ZMYM2: variants seen among roughly 807,000 people sequenced by gnomAD.
ZMYM2 encodes the protein zinc finger MYM-type containing 2, also known as zinc finger MYM-type protein 2.
ZMYM2 carries 56 observed loss-of-function variants against 162.8 expected under a neutral mutation model. The observed-to-expected ratio is 0.34, with a 90% CI of 0.28 to 0.43. The LOEUF (loss-of-function observed/expected upper bound fraction) is 0.43, where lower values mean the gene tolerates loss of function less well. Among genes scored for constraint, ZMYM2 ranks in the 20% least tolerant of loss-of-function variants. The pLI is 1.00. For synonymous variants in ZMYM2, 510 were observed against 541.6 expected (o/e 0.94, Z 0.81); for missense variants, 1,275 against 1,621.8 (o/e 0.79, Z 3.67).
At chr13:19,965,232 A>G (rs1298279961) in intron 2 of ZMYM2, 3 of 1,299,162 alleles carry the variant, frequency 2.3e-6, no homozygotes, top group Admixed American at 4.7e-5. Flanking sequence ...ATACATGTGT[A>G]TATTACTCTC....
At position 20,034,168 on chromosome 13, in the gene ZMYM2, G is replaced by A. The variant is rs551984759; in HGVS notation, c.1969-86G>A. The A allele has an allele frequency of 4.1e-6, 5 of 1,205,864 alleles. No homozygotes were observed. In the African/African-American group the frequency reaches 4.7e-5, roughly 11 times the overall value. 74.7% of individuals were successfully genotyped at this position (1,205,864 alleles called of 1,614,324 possible). A position where few individuals can be genotyped will look rare whatever the true frequency, so the allele number is the denominator to read the frequency against. On this transcript the variant is annotated intron_variant, in intron 10 of 24. Coordinates refer to ENST00000610343, the MANE Select transcript of ZMYM2 (RefSeq NM_197968.4). The stretch of plus-strand genomic sequence containing the variant: ...GGGTCTTAACATTAAATAGGTAAAT[G>A]ATTTAACTTTGCTTCTGTAAAAGTG...
chr13:19,876,385 C>T, the ZMYM2 span, among the ~76,000 whole-genome samples: 3 of 150,418 alleles, frequency 2.0e-5, no homozygotes, highest in African/African-American at 7.4e-5. Context: ...TGCAGTGGCA[C>T]GATCTCGGCT....
At chr13:19,907,317 G>A in the ZMYM2 span, among the ~76,000 whole-genome samples, 3 of 152,102 alleles carry the variant, frequency 2.0e-5, no homozygotes, top group Non-Finnish European at 4.4e-5. Context: ...ATGTCAAAAT[G>A]TTTGTATGAG....
rs1341130109 is a variant in ZMYM2, at chr13:20,062,990, A to G, written c.3037+19A>G. 6.3e-7 allele frequency: 1 copy of G among 1,585,974 alleles called. No homozygotes were observed. Among genetic ancestry groups the G allele is most frequent in the East Asian group, 2.3e-5 (1 of 44,442 alleles). ...CCCAGAGGTACTCAAAACCTTTATGACTATGGAATTTAGTTATGGAGTCAA... is the reference window on the plus strand; with the variant it reads ...CCCAGAGGTACTCAAAACCTTTATGGCTATGGAATTTAGTTATGGAGTCAA... On this transcript the variant is annotated intron_variant, in intron 18 of 24. Transcript: ENST00000610343.
chr13:19,919,903 G>A, the ZMYM2 span, among the ~76,000 whole-genome samples: 1 of 152,056 alleles, frequency 6.6e-6, no homozygotes, highest in Non-Finnish European at 1.5e-5. Flanking sequence ...TTGAACTCCT[G>A]ACCTCGTGAT....
At chr13:19,886,086 C>G in the ZMYM2 span, among the ~76,000 whole-genome samples, 1 of 147,756 alleles carries the variant, frequency 6.8e-6, no homozygotes, top group South Asian at 2.1e-4. Context: ...CTTTTATCTA[C>G]CTTTGCAAAA....
chr13:20,068,108 T>C (rs1956814643), intron 21 of ZMYM2: 1 of 178,834 alleles, frequency 5.6e-6, no homozygotes, highest in Non-Finnish European at 1.2e-5. Flanking sequence ...TAAGATTCTG[T>C]AAGTGGTGGT....
chr13:20,077,557 A>C (rs1357590035), intron 21 of ZMYM2, among the ~76,000 whole-genome samples: 1 of 142,078 alleles, frequency 7.0e-6, no homozygotes, highest in Non-Finnish European at 1.5e-5. Context: ...GAAAAAGTAT[A>C]GGAATTTAGA....
chr13:20,006,409 T>A lies in ZMYM2; in HGVS notation c.1335T>A (p.His445Gln), dbSNP rs908934741. The A allele has an allele frequency of 6.2e-7, 1 of 1,601,408 alleles. No homozygotes were observed. The highest frequency in any genetic ancestry group is 8.5e-7 in the Non-Finnish European group (1 of 1,173,326). The part of the protein sequence containing the change: ...RHEVSFKNMT[H>Q]KLCSDHCFNR... ...AAGTCAGCTTTAAAAATATGACTCA[T>A]AAGCTGTGCAGTGACCACTGCTTTA... Residue 445 changes from histidine (H) to glutamine (Q), a missense_variant, in exon 6 of 25, where the codon CAT becomes CAA. Physicochemically the swap from His to Gln is conservative, Grantham distance 24. Around this residue, in one of 10 missense-constraint regions of ZMYM2, gnomAD observed 276 missense variants for 311.8 expected, o/e 0.89. Transcript: ENST00000610343.
At chr13:19,918,495 C>CT in the ZMYM2 span, among the ~76,000 whole-genome samples, 4,525 of 107,420 alleles carry the variant, frequency 0.042, 142 homozygotes, top group South Asian at 0.063. Flanking sequence ...TTCTTTCTTT[C>CT]TTTTTTTTTT....
chr13:19,875,166 A>G, the ZMYM2 span, among the ~76,000 whole-genome samples: 6 of 152,152 alleles, frequency 3.9e-5, no homozygotes, highest in Non-Finnish European at 8.8e-5. Flanking sequence ...CTACCAGCAG[A>G]TTGGATAGAG....
chr13:19,976,922 C>T (rs1956847866), intron 2 of ZMYM2, among the ~76,000 whole-genome samples: 1 of 152,100 alleles, frequency 6.6e-6, no homozygotes, highest in African/African-American at 2.4e-5. Context: ...CCTTTTAATT[C>T]TGGTAATTTT....
intron 21 of ZMYM2, among the ~76,000 whole-genome samples, chr13:20,079,814 C>T (rs1320491949): frequency 2.6e-5 from 4 of 152,070 alleles, no homozygotes; most frequent in African/African-American, 9.7e-5. Context: ...TGCTAAGGTT[C>T]TAAATGTTAC....
At chr13:20,082,164 TGA>T in intron 22 of ZMYM2, 34 bp downstream of exon 22, 1 of 1,412,060 alleles carries the variant, frequency 7.1e-7, no homozygotes, top group Non-Finnish European at 9.8e-7. Context: ...GTTGCTCTCT[TGA>T]TATTAGGATT....
intron 3 of ZMYM2, among the ~76,000 whole-genome samples, chr13:20,001,901 G>A (rs1056159675): frequency 4.6e-5 from 7 of 152,124 alleles, no homozygotes; most frequent in Non-Finnish European, 1.0e-4. Flanking sequence ...TAATACTATT[G>A]TACACTTAAT....
intron 3 of ZMYM2, among the ~76,000 whole-genome samples, chr13:19,999,411 A>G (rs1270976436): frequency 6.6e-6 from 1 of 152,088 alleles, no homozygotes; most frequent in African/African-American, 2.4e-5. Context: ...GTGATCTGTG[A>G]TCAGTGATCT....
intron 2 of ZMYM2, among the ~76,000 whole-genome samples, chr13:19,961,521 A>C (rs1273269974): frequency 6.6e-6 from 1 of 152,190 alleles, no homozygotes; most frequent in East Asian, 1.9e-4. Context: ...AAATAGATGG[A>C]TGATGCTTAT....
At chr13:20,063,129 G>T (rs1048644897) in intron 18 of ZMYM2, among the ~76,000 whole-genome samples, 158 bp downstream of exon 18, 8 of 151,656 alleles carry the variant, frequency 5.3e-5, no homozygotes, top group African/African-American at 1.9e-4. Context: ...TTCATATTTT[G>T]TTGTTGTTTT....
chr13:19,889,834 C>T, the ZMYM2 span, among the ~76,000 whole-genome samples: 1 of 151,514 alleles, frequency 6.6e-6, no homozygotes, highest in South Asian at 2.1e-4. Flanking sequence ...TGAAAAATAA[C>T]ATTTTTGAAC....
Sources: gnomAD v4.1 joint callset for allele counts (sites outside exome capture counted in the v4.1 genomes callset) on GRCh38, gnomAD v4.1.1 for gene constraint, gnomAD v4.1.1 regional missense constraint, MANE v1.5 for transcripts, NCBI Gene and HGNC (gene_info 2026-07-23, HGNC 2026-07-21) for gene names.